Variants in NKAIN3 observed in about 807,000 individuals in gnomAD.
NKAIN3 encodes sodium/potassium transporting ATPase interacting 3.
In NKAIN3, 25 loss-of-function variants were observed where a neutral mutation model predicts 30.2. The ratio of observed to expected loss-of-function variants is 0.83; its 90% CI spans 0.60 to 1.16. The LOEUF is 1.16. NKAIN3 is among the 50% of genes most tolerant of loss of function. The pLI, the probability that NKAIN3 is intolerant of heterozygous loss-of-function variation, is 0.00. For synonymous variants in NKAIN3, 91 were observed against 89.6 expected, an observed-to-expected ratio of 1.02 and a Z score of -0.09; for missense variants, 225 against 254.1, an observed-to-expected ratio of 0.89 and a Z score of 0.78.
At chr8:62,941,955 T>C (rs1305468421) in intron 5 of NKAIN3, among the ~76,000 whole-genome samples, 1 of 151,862 alleles carries the variant, frequency 6.6e-6, no homozygotes, top group Non-Finnish European at 1.5e-5. Flanking sequence ...TCCAAATTAG[T>C]AAAGAGAAAG....
intron 3 of NKAIN3, among the ~76,000 whole-genome samples, chr8:62,641,736 G>A (rs1801936468): frequency 6.6e-6 from 1 of 152,106 alleles, no homozygotes; most frequent in South Asian, 2.1e-4. Flanking sequence ...CTTGAATATG[G>A]AAATCACATA....
intron 3 of NKAIN3, among the ~76,000 whole-genome samples, chr8:62,711,369 C>G (rs139086401): frequency 6.6e-6 from 1 of 152,034 alleles, no homozygotes; most frequent in East Asian, 1.9e-4. Flanking sequence ...TCAGGAACAC[C>G]GATTATTCTT....
chr8:62,720,251 T>G (rs1249399715), intron 3 of NKAIN3, among the ~76,000 whole-genome samples: 3 of 152,168 alleles, frequency 2.0e-5, no homozygotes, highest in Non-Finnish European at 4.4e-5. Context: ...CAGTAATAAT[T>G]CCTGATATTT....
chr8:62,701,723 G>A (rs190113817), intron 3 of NKAIN3, among the ~76,000 whole-genome samples: 95 of 152,220 alleles, frequency 6.2e-4, no homozygotes, highest in African/African-American at 2.2e-3. Context: ...CCATCATTTG[G>A]CAATGAGCCA....
At chr8:62,991,424 G>A (rs1398877375) in intron 5 of NKAIN3, among the ~76,000 whole-genome samples, 1 of 152,186 alleles carries the variant, frequency 6.6e-6, no homozygotes, top group Non-Finnish European at 1.5e-5. Context: ...TGCTTGAGCA[G>A]AAATTAAATT....
In NKAIN3 at chr8:62,982,463, A is replaced by G. The variant is rs1401991143; in HGVS notation, c.*17056A>G. The G allele has an allele frequency of 6.6e-6, 1 of 152,202 alleles. No homozygotes were observed. The highest frequency in any genetic ancestry group is 1.5e-5 in the Non-Finnish European group (1 of 68,036). 9.4% of individuals were successfully genotyped at this position (152,202 alleles called of 1,614,324 possible). On this transcript the variant is annotated 3_prime_UTR_variant, in exon 7 of 7. Transcript: ENST00000623646. The stretch of plus-strand genomic sequence containing the variant: ...TCTTGTTAAATAATTAGATTTGTGT[A>G]AACTATATTTTAGAGTCTTCCAAAA...
chr8:62,716,990 G>A (rs11780445), intron 3 of NKAIN3, among the ~76,000 whole-genome samples: 88,451 of 152,054 alleles, frequency 0.58, 27,998 homozygotes, highest in Non-Finnish European at 0.73. Context: ...TACTGAAGAT[G>A]TGCCTGATAT....
rs748190581 is a variant in NKAIN3 at position 62,886,913 on chromosome 8, A to G, written c.472-31540A>G. ...CTCCCACTTAGGAGTGAGAACATGC[A>G]GTGTTTGGTTTTCTGTTCTGTGTTA... On this transcript the variant is annotated intron_variant, in intron 4 of 6. Coordinates refer to ENST00000623646, the MANE Select transcript of NKAIN3 (RefSeq NM_001304533.3). Among the ~76,000 whole-genome samples the G allele has an allele frequency of 5.7e-5, 8 of 141,224 alleles. No homozygotes were observed. The East Asian group carries it at 1.1e-3, about 19-fold the overall frequency. 92.6% of individuals were successfully genotyped at this position (141,224 alleles called of 152,430 possible).
intron 1 of NKAIN3, among the ~76,000 whole-genome samples, chr8:62,558,014 T>C (rs1210838159): frequency 1.3e-5 from 2 of 152,166 alleles, no homozygotes; most frequent in Non-Finnish European, 2.9e-5. Flanking sequence ...TTTCCAATGC[T>C]ATCTTCCAGA....
chr8:62,940,470 T>G (rs1430124557), intron 5 of NKAIN3, among the ~76,000 whole-genome samples: 2 of 152,114 alleles, frequency 1.3e-5, no homozygotes, highest in African/African-American at 4.8e-5. Flanking sequence ...ATAGACATTC[T>G]ATTCATAAGC....
At chr8:62,831,192 C>T (rs1458679845) in intron 4 of NKAIN3, among the ~76,000 whole-genome samples, 1 of 151,852 alleles carries the variant, frequency 6.6e-6, no homozygotes, top group Non-Finnish European at 1.5e-5. Flanking sequence ...TACAGTCACA[C>T]CTCCTAGGAA....
chr8:62,605,831 G>A (rs1811108908), intron 3 of NKAIN3, among the ~76,000 whole-genome samples: 1 of 151,792 alleles, frequency 6.6e-6, no homozygotes, highest in African/African-American at 2.4e-5. Context: ...AATGCCCCGT[G>A]GATACTGAGG....
At chr8:62,551,243 C>T (rs766852856) in intron 1 of NKAIN3, among the ~76,000 whole-genome samples, 3 of 152,042 alleles carry the variant, frequency 2.0e-5, no homozygotes, top group Non-Finnish European at 4.4e-5. Flanking sequence ...AGAGGAACAG[C>T]GGGAAGGAAA....
chr8:62,428,926 G>T (rs183997819), intron 1 of NKAIN3, among the ~76,000 whole-genome samples: 11 of 151,934 alleles, frequency 7.2e-5, no homozygotes, highest in Admixed American at 5.3e-4. Flanking sequence ...TGGAGCATTT[G>T]TTCAATGTTT....
At chr8:62,988,206 T>G (rs2124293), downstream of NKAIN3, among the ~76,000 whole-genome samples, 28,310 of 152,150 alleles carry the variant, frequency 0.19, 2,743 homozygotes, top group East Asian at 0.39. Flanking sequence ...ATGGGCTGGT[T>G]ATGAGTGTCT....
chr8:62,500,487 A>AG (rs1807408304), intron 1 of NKAIN3, among the ~76,000 whole-genome samples: 3 of 139,372 alleles, frequency 2.2e-5, no homozygotes, highest in African/African-American at 8.6e-5. Flanking sequence ...GAAAGAAAGA[A>AG]GAAAAGAAAG....
chr8:62,502,597 T>C (rs896487), intron 1 of NKAIN3, among the ~76,000 whole-genome samples: 131,565 of 151,960 alleles, frequency 0.87, 57,051 homozygotes, highest in Middle Eastern at 0.91. Context: ...TTTTCTTAAC[T>C]TGCACTTTAA....
chr8:62,665,761 C>T (rs890303499), intron 3 of NKAIN3, among the ~76,000 whole-genome samples: 2 of 152,136 alleles, frequency 1.3e-5, no homozygotes, highest in African/African-American at 4.8e-5. Context: ...GATGCAGGGT[C>T]AGGGCTCACT....
At position 62,966,425 on chromosome 8, in the gene NKAIN3, T is replaced by G; in HGVS notation, c.*1018T>G. On this transcript the variant is annotated 3_prime_UTR_variant, in exon 7 of 7. Transcript: ENST00000623646. ...GTCTTGAAAACGCATCACAGTTGTA[T>G]TTTTTTAACTGGCATAAAACTTACA... The G allele has an allele frequency of 1.0e-6, 1 of 970,262 alleles. No individual in the cohort carries two copies. The highest frequency in any genetic ancestry group is 1.2e-6 in the Non-Finnish European group (1 of 816,130). 60.1% of individuals were successfully genotyped at this position (970,262 alleles called of 1,614,324 possible).
Sources: gnomAD v4.1 joint callset for allele counts (sites outside exome capture counted in the v4.1 genomes callset) on GRCh38, gnomAD v4.1.1 for gene constraint, MANE v1.5 for transcripts, NCBI Gene and HGNC (gene_info 2026-07-23, HGNC 2026-07-21) for gene names.